Variants in EHMT1 observed in about 807,000 individuals in gnomAD.
The protein encoded by EHMT1 is euchromatic histone lysine methyltransferase 1, also known as histone-lysine N-methyltransferase EHMT1.
In EHMT1, 15 loss-of-function variants were observed where a neutral mutation model predicts 147.2. The observed-to-expected ratio is 0.10, with a 90% confidence interval of 0.07 to 0.16. The LOEUF is 0.16. EHMT1 is among the 10% of genes least tolerant of loss of function. EHMT1 has a pLI of 1.00. For missense variants in EHMT1, 1,587 were observed against 1,772.4 expected, an observed-to-expected ratio of 0.90 and a Z score of 1.88; for synonymous variants, 795 against 709.6, an observed-to-expected ratio of 1.12 and a Z score of -1.91.
At chr9:137,772,021 T>A (rs1472394145) in intron 10 of EHMT1, among the ~76,000 whole-genome samples, 1 of 151,668 alleles carries the variant, frequency 6.6e-6, no homozygotes, top group Non-Finnish European at 1.5e-5. Context: ...TAAGCCACCA[T>A]GCAGAGCCTG....
At chr9:137,647,037 T>C (rs938991623) in intron 1 of EHMT1, among the ~76,000 whole-genome samples, 2 of 152,170 alleles carry the variant, frequency 1.3e-5, no homozygotes, top group Non-Finnish European at 2.9e-5. Flanking sequence ...GTTATCATAA[T>C]TCAAGCAAAA....
At chr9:137,664,846 C>T (rs1410329130) in intron 1 of EHMT1, 1 of 152,232 alleles carries the variant, frequency 6.6e-6, no homozygotes, top group Admixed American at 6.5e-5. Flanking sequence ...TACATTTGAA[C>T]TTGGAGTCCC....
intron 1 of EHMT1, among the ~76,000 whole-genome samples, chr9:137,629,368 C>T (rs952951216): frequency 2.8e-5 from 4 of 144,092 alleles, no homozygotes; most frequent in South Asian, 2.2e-4. Flanking sequence ...TTGGGATTAC[C>T]GGCGTGAGCC....
chr9:137,798,927 C>T lies in EHMT1; in HGVS notation c.2607+13C>T, dbSNP rs778424061. 1 of 1,602,044 alleles carries T rather than the reference C, an allele frequency of 6.2e-7. No homozygotes were observed. Among genetic ancestry groups the T allele is most frequent in the Non-Finnish European group, 8.6e-7 (1 of 1,168,982 alleles). ...CGTCAACTGTCAGGTACAGCCACCCCCTCCCCTTAGCAGTACACTGTGTGG... is the reference window on the plus strand; with the variant it reads ...CGTCAACTGTCAGGTACAGCCACCCTCTCCCCTTAGCAGTACACTGTGTGG... On this transcript the variant is annotated intron_variant, in intron 17 of 26. Coordinates refer to ENST00000460843, the MANE Select transcript of EHMT1 (RefSeq NM_024757.5).
At position 137,830,421 on chromosome 9, in the gene EHMT1, T is replaced by A. The variant is rs368279344; in HGVS notation, c.3541-3928T>A. On this transcript the variant is annotated intron_variant, in intron 25 of 26. Transcript: ENST00000460843. ...ACTCACTTTTCAGAGGACAGAGTTA[T>A]GAAGTAAATAGATTTTTAAAAATGT... is the stretch of plus-strand genomic sequence containing the variant. Among the ~76,000 whole-genome samples the A allele has an allele frequency of 7.9e-5, 12 of 152,378 alleles. No homozygotes were observed. In the East Asian group the frequency reaches 2.1e-3, roughly 27 times the overall value.
intron 8 of EHMT1, 22 bp from the exon 9 acceptor site, chr9:137,757,858 T>A (rs1949499867): frequency 1.2e-6 from 2 of 1,613,296 alleles, no homozygotes; most frequent in Non-Finnish European, 8.5e-7. Flanking sequence ...TGGTGTCTGA[T>A]GTGTGTGCCT....
intron 10 of EHMT1, among the ~76,000 whole-genome samples, chr9:137,765,100 C>T (rs1222559837): frequency 6.6e-6 from 1 of 152,234 alleles, no homozygotes; most frequent in Non-Finnish European, 1.5e-5. Flanking sequence ...GCGGTATTGT[C>T]CTTGGTGACC....
chr9:137,640,474 C>T (rs1449537866), intron 1 of EHMT1, among the ~76,000 whole-genome samples: 1 of 152,004 alleles, frequency 6.6e-6, no homozygotes, highest in Non-Finnish European at 1.5e-5. Context: ...ATGGGGTCTT[C>T]CTATGTTGCT....
chr9:137,755,456 A>T (rs1949312412), intron 8 of EHMT1, among the ~76,000 whole-genome samples: 1 of 152,214 alleles, frequency 6.6e-6, no homozygotes, highest in African/African-American at 2.4e-5. Flanking sequence ...GCTGCCCCAC[A>T]GTCTTATCTG....
intron 1 of EHMT1, among the ~76,000 whole-genome samples, chr9:137,639,259 C>T (rs918780598): frequency 6.6e-6 from 1 of 151,334 alleles, no homozygotes; most frequent in African/African-American, 2.4e-5. Flanking sequence ...ATATTCTGTC[C>T]TGGGGAATGT....
At chr9:137,625,112 C>T (rs1843174161) in intron 1 of EHMT1, among the ~76,000 whole-genome samples, 1 of 151,692 alleles carries the variant, frequency 6.6e-6, no homozygotes, top group Non-Finnish European at 1.5e-5. Context: ...AAATTCCTGA[C>T]CTCAGGTGAT....
At chr9:137,661,498 T>C (rs1236536884) in intron 1 of EHMT1, among the ~76,000 whole-genome samples, 1 of 151,138 alleles carries the variant, frequency 6.6e-6, no homozygotes, top group African/African-American at 2.4e-5. Flanking sequence ...TTTTTTTTTT[T>C]TTTTTTGAGA....
chr9:137,774,283 C>T (rs940097744), intron 10 of EHMT1, among the ~76,000 whole-genome samples: 1 of 152,254 alleles, frequency 6.6e-6, no homozygotes, highest in Non-Finnish European at 1.5e-5. Context: ...CTCTGGTAGG[C>T]GCATGTGAGT....
chr9:137,830,214 C>G (rs765754687), intron 25 of EHMT1, among the ~76,000 whole-genome samples: 5 of 152,148 alleles, frequency 3.3e-5, no homozygotes, highest in Non-Finnish European at 5.9e-5. Flanking sequence ...GCGAGCCCGT[C>G]TCCTTTGGTG....
At chr9:137,791,944 G>C (rs552205913) in intron 16 of EHMT1, 2 of 358,010 alleles carry the variant, frequency 5.6e-6, no homozygotes, top group South Asian at 2.2e-5. Context: ...TGTTGGCCAA[G>C]CTGGTCTCGA....
chr9:137,793,143 G>A lies in EHMT1; in HGVS notation c.2505+2173G>A, dbSNP rs116161011. On this transcript the variant is annotated intron_variant, in intron 16 of 26. Transcript: ENST00000460843. ...TACATCAAAGATCATGACCAATAGC[G>A]TGAAAAGACCACCTACAGAATGAGG... 9.5e-3 allele frequency among the ~76,000 whole-genome samples: 1,445 copies of A among 152,330 alleles called. 19 individuals carry two copies. The highest frequency in any genetic ancestry group is 0.031 in the African/African-American group (1,303 of 41,574).
chr9:137,760,657 C>T (rs1949730852), intron 9 of EHMT1, among the ~76,000 whole-genome samples: 1 of 152,134 alleles, frequency 6.6e-6, no homozygotes, highest in South Asian at 2.1e-4. Context: ...ATATCAGATT[C>T]CAAATGGGCT....
In EHMT1 at chr9:137,735,254, AG is replaced by A. The variant is rs1947434750; in HGVS notation, c.823+6729del. 2.0e-5 allele frequency among the ~76,000 whole-genome samples: 3 copies of A among 152,196 alleles called. No homozygotes were observed. In the South Asian group the frequency reaches 6.2e-4, roughly 31 times the overall value. On this transcript the variant is annotated intron_variant, in intron 4 of 26. Transcript: ENST00000460843. ...TAGTTTTGTGACATCAGCAAATGAAAGGGGTGGGAACAGATATGTAAAGGAG... is the reference window on the plus strand; with the variant it reads ...TAGTTTTGTGACATCAGCAAATGAAAGGGTGGGAACAGATATGTAAAGGAG...
chr9:137,723,029 C>T (rs1471543056), intron 3 of EHMT1, among the ~76,000 whole-genome samples: 15 of 81,238 alleles, frequency 1.8e-4, no homozygotes, highest in African/African-American at 8.9e-4. Flanking sequence ...GGCCTGAGCC[C>T]GGGGTGTGTC....
Sources: gnomAD v4.1 joint callset for allele counts (sites outside exome capture counted in the v4.1 genomes callset) on GRCh38, gnomAD v4.1.1 for gene constraint, MANE v1.5 for transcripts, NCBI Gene and HGNC (gene_info 2026-07-23, HGNC 2026-07-21) for gene names.